Variants in CCDC66 observed in about 807,000 individuals in gnomAD.
CCDC66 encodes coiled-coil domain-containing protein 66.
A neutral mutation model predicts 128.3 loss-of-function variants in CCDC66; 133 were observed. That is an observed-to-expected ratio of 1.04 (90% CI 0.90 to 1.20). The LOEUF is 1.20. Among genes scored for constraint, CCDC66 ranks in the 50% most tolerant of loss-of-function variants. The pLI is 0.00. For synonymous variants in CCDC66, 387 were observed against 357.0 expected (o/e 1.08, Z -0.95); for missense variants, 1,126 against 1,075.5 (o/e 1.05, Z -0.66).
intron 10 of CCDC66, among the ~76,000 whole-genome samples, chr3:56,598,119 G>A (rs188223086): frequency 3.5e-4 from 49 of 138,504 alleles, no homozygotes; most frequent in Admixed American, 1.3e-3. Context: ...TCAGCAAAGG[G>A]GACGTTTTGA....
At chr3:56,589,566 A>G (rs141347304) in intron 7 of CCDC66, among the ~76,000 whole-genome samples, 93 of 152,336 alleles carry the variant, frequency 6.1e-4, no homozygotes, top group Middle Eastern at 3.4e-3. Context: ...GATAGTCATC[A>G]TATTTATAAA....
At chr3:56,577,795 A>G (rs1338190972) in intron 7 of CCDC66, among the ~76,000 whole-genome samples, 2 of 151,858 alleles carry the variant, frequency 1.3e-5, no homozygotes. Flanking sequence ...TTTTGGTACC[A>G]GTACCATGCT....
Position 56,566,611 on chromosome 3 carries a change from T to C in CCDC66, c.562T>C (p.Leu188=), listed in dbSNP as rs752860341. 1 of 1,579,824 alleles carries C rather than the reference T, an allele frequency of 6.3e-7. No homozygotes were observed. Among genetic ancestry groups the C allele is most frequent in the Non-Finnish European group, 8.7e-7 (1 of 1,149,862 alleles). Residue 188 remains leucine (L), a synonymous_variant, in exon 5 of 18, where the codon TTA becomes CTA. Transcript: ENST00000394672. ...KEAKSQYSLY[L]NSISNQPKDE... is the part of the protein sequence containing the mutation. ...CCTCCTAGGTCAATATAGTCTATAT[T>C]TAAACAGTATTTCTAATCAGCCAAA...
chr3:56,563,973 G>A lies in CCDC66; in HGVS notation c.392G>A (p.Gly131Asp), dbSNP rs1348475609. ...TRNTVNTSLV[G>D]KQKPHKKHIT... The stretch of plus-strand genomic sequence containing the variant: ...AACACCGTAAATACATCTCTAGTAG[G>A]TAAACAGAAGCCTCACAAAAAACAC... The change falls in exon 4 of 18, where the codon GGT becomes GAT. Residue 131 changes from glycine (G) to aspartate (D), a missense_variant. Physicochemically the swap from Gly to Asp is moderately conservative, Grantham distance 94 (BLOSUM62 -1). Transcript: ENST00000394672. The A allele has an allele frequency of 8.7e-6, 14 of 1,613,946 alleles. No homozygotes were observed. Among genetic ancestry groups the A allele is most frequent in the Non-Finnish European group, 1.2e-5 (14 of 1,179,946 alleles).
intron 12 of CCDC66, 58 bp from the exon 13 acceptor site, chr3:56,615,864 C>A: frequency 1.4e-6 from 2 of 1,426,802 alleles, no homozygotes; most frequent in Admixed American, 4.2e-5. Flanking sequence ...TGCTGCTATA[C>A]ATAATTTTTA....
chr3:56,565,296 T>TG (rs1428930612), intron 4 of CCDC66: 1 of 188,650 alleles, frequency 5.3e-6, no homozygotes, highest in African/African-American at 2.4e-5. Context: ...TTTTTTGAGA[T>TG]GGGGTCTCGC....
In CCDC66 at chr3:56,615,881, T is replaced by C. The variant is rs202139142; in HGVS notation, c.1712-41T>C. The C allele has an allele frequency of 3.0e-3, 4,494 of 1,523,236 alleles. 163 individuals carry two copies. The South Asian group carries it at 0.051, about 17-fold the overall frequency. 94.4% of individuals were successfully genotyped at this position (1,523,236 alleles called of 1,614,324 possible). A position where few individuals can be genotyped will look rare whatever the true frequency, so the allele number is the denominator to read the frequency against. On this transcript the variant is annotated intron_variant, in intron 12 of 17. Coordinates refer to ENST00000394672, the MANE Select transcript of CCDC66 (RefSeq NM_001141947.3). The stretch of plus-strand genomic sequence containing the variant: ...CTGCTATACATAATTTTTATTAATA[T>C]TCCTTAAGTGTTGTTTTATCAGGTG...
At chr3:56,573,038 G>A (rs1301241489) in intron 7 of CCDC66, 1 of 152,058 alleles carries the variant, frequency 6.6e-6, no homozygotes, top group Non-Finnish European at 1.5e-5. Context: ...TCCGTTGTTG[G>A]CTTATTTACT....
intron 10 of CCDC66, among the ~76,000 whole-genome samples, chr3:56,608,218 C>T (rs900311677): frequency 2.0e-5 from 3 of 152,018 alleles, no homozygotes; most frequent in Non-Finnish European, 4.4e-5. Context: ...GTACCAATTA[C>T]CTGAATGTCT....
intron 10 of CCDC66, among the ~76,000 whole-genome samples, chr3:56,600,784 G>C (rs2073026728): frequency 6.6e-6 from 1 of 152,070 alleles, no homozygotes; most frequent in Non-Finnish European, 1.5e-5. Flanking sequence ...GTCTTCTTTT[G>C]AGAAGTGTCT....
At chr3:56,609,942 G>C (rs995140037) in intron 10 of CCDC66, among the ~76,000 whole-genome samples, 3 of 152,168 alleles carry the variant, frequency 2.0e-5, no homozygotes, top group Admixed American at 1.3e-4. Flanking sequence ...TGAGAAATCT[G>C]CTGTTAATCT....
rs1424958065 is a variant in CCDC66, at chr3:56,593,682, G to A, written c.1260G>A (p.Glu420=). 1 of 1,614,198 alleles carries A rather than the reference G, an allele frequency of 6.2e-7. No individual in the cohort carries two copies. Among genetic ancestry groups the A allele is most frequent in the East Asian group, 2.2e-5 (1 of 44,884 alleles). ...CCGGAAGCCAGGTTGAACCTTCAGAGGAGGAGCATATAGCAAAACCTATTA... is the reference window on the plus strand; with the variant it reads ...CCGGAAGCCAGGTTGAACCTTCAGAAGAGGAGCATATAGCAAAACCTATTA... The part of the protein sequence containing the change: ...PTTGSQVEPS[E]EEHIAKPIKD... Residue 420 remains glutamate, a synonymous_variant, in exon 9 of 18, where the codon GAG becomes GAA. Transcript: ENST00000394672.
At chr3:56,600,438 C>T (rs58569164) in intron 10 of CCDC66, among the ~76,000 whole-genome samples, 4,599 of 152,008 alleles carry the variant, frequency 0.03, 275 homozygotes, top group African/African-American at 0.1. Context: ...TGAGCCACCG[C>T]GCCCGGCTGC....
chr3:56,605,274 A>G (rs1302137868), intron 10 of CCDC66, among the ~76,000 whole-genome samples: 1 of 152,008 alleles, frequency 6.6e-6, no homozygotes, highest in Non-Finnish European at 1.5e-5. Flanking sequence ...TCTTCTGTCA[A>G]TTCGTAAAAC....
intron 7 of CCDC66, among the ~76,000 whole-genome samples, chr3:56,585,805 T>C (rs1009123871): frequency 6.6e-6 from 1 of 151,890 alleles, no homozygotes; most frequent in South Asian, 2.1e-4. Context: ...TTACATAAAA[T>C]ATTTCTCCCA....
At chr3:56,599,132 T>G (rs2072681400) in intron 10 of CCDC66, among the ~76,000 whole-genome samples, 1 of 152,038 alleles carries the variant, frequency 6.6e-6, no homozygotes, top group African/African-American at 2.4e-5. Flanking sequence ...TATTTCTTCC[T>G]GATTCAATCT....
intron 16 of CCDC66, 93 bp from the exon 17 acceptor site, chr3:56,619,680 ATACT>A (rs2076090397): frequency 1.3e-6 from 2 of 1,503,874 alleles, no homozygotes; most frequent in Non-Finnish European, 1.8e-6. Context: ...CCTAGGATAC[ATACT>A]TATTATAATG....
intron 10 of CCDC66, among the ~76,000 whole-genome samples, chr3:56,604,483 ATCTC>A (rs1239078424): frequency 6.6e-6 from 1 of 151,856 alleles, no homozygotes; most frequent in African/African-American, 2.4e-5. Flanking sequence ...TGGTGACAAA[ATCTC>A]TCAGAATTTC....
At chr3:56,572,414 A>G (rs2066759859) in intron 7 of CCDC66, 2 of 1,287,842 alleles carry the variant, frequency 1.6e-6, no homozygotes, top group South Asian at 2.5e-5. Flanking sequence ...ACTTAGAGCT[A>G]GTCAGACTTT....
Sources: allele counts gnomAD v4.1 joint callset (sites outside exome capture counted in the v4.1 genomes callset), GRCh38; gene constraint gnomAD v4.1.1; transcripts MANE v1.5; gene names NCBI Gene and HGNC (gene_info 2026-07-23, HGNC 2026-07-21).